The following OTOGL variants were observed in gnomAD, a reference collection of about 807,000 sequenced individuals.
OTOGL encodes otogelin-like protein.
Under a neutral mutation model 318.5 loss-of-function variants are expected in OTOGL, and 285 were observed. That is an observed-to-expected ratio of 0.89 (90% CI 0.81 to 0.99). The LOEUF (loss-of-function observed/expected upper bound fraction) is 0.99, where lower values mean the gene tolerates loss of function less well. Ranked by LOEUF, OTOGL falls within the 50% of genes least tolerant of loss-of-function variation. OTOGL has a pLI of 0.00. For synonymous variants in OTOGL, 987 were observed against 936.5 expected (o/e 1.05, Z -0.99); for missense variants, 2,899 against 2,845.6 (o/e 1.02, Z -0.43).
At chr12:80,342,224 T>TA in intron 44 of OTOGL, 62 bp downstream of exon 44, 1 of 1,259,928 alleles carries the variant, frequency 7.9e-7, no homozygotes, top group Admixed American at 2.2e-5. Flanking sequence ...TAAAAGCCAA[T>TA]ACGTTACTGT....
chr12:80,297,637 A>T (rs545484284), intron 27 of OTOGL, among the ~76,000 whole-genome samples: 1 of 152,116 alleles, frequency 6.6e-6, no homozygotes, highest in East Asian at 1.9e-4. Flanking sequence ...CCAGCCTTGT[A>T]TATGTACATT....
intron 1 of OTOGL, among the ~76,000 whole-genome samples, chr12:80,156,594 C>T (rs2137181782): frequency 6.6e-6 from 1 of 152,234 alleles, no homozygotes; most frequent in Non-Finnish European, 1.5e-5. Flanking sequence ...AAGTCTTTCC[C>T]ATGCTGTTCT....
At chr12:80,207,416 G>T (rs550785399) in intron 1 of OTOGL, among the ~76,000 whole-genome samples, 1 of 151,984 alleles carries the variant, frequency 6.6e-6, no homozygotes, top group African/African-American at 2.4e-5. Flanking sequence ...TGTTGGTCAG[G>T]CTGGTCTCAA....
intron 1 of OTOGL, among the ~76,000 whole-genome samples, chr12:80,125,970 T>C (rs1870807323): frequency 6.6e-6 from 1 of 152,222 alleles, no homozygotes; most frequent in Non-Finnish European, 1.5e-5. Context: ...ATCAATTTTG[T>C]TGATCTTTTC....
intron 26 of OTOGL, among the ~76,000 whole-genome samples, chr12:80,281,923 A>C (rs2137636866): frequency 6.6e-6 from 1 of 151,994 alleles, no homozygotes; most frequent in East Asian, 1.9e-4. Flanking sequence ...TATAAATATA[A>C]CACATTAAAC....
At chr12:80,269,157 A>G (rs1301365435) in intron 22 of OTOGL, among the ~76,000 whole-genome samples, 7 of 152,082 alleles carry the variant, frequency 4.6e-5, no homozygotes, top group African/African-American at 2.4e-5. Context: ...TCAACTATGC[A>G]TTGCATATTT....
chr12:80,209,476 A>G lies in OTOGL; in HGVS notation c.45A>G (p.Ile15Met). 6.6e-7 allele frequency: 1 copy of G among 1,515,190 alleles called. No homozygotes were observed. The highest frequency in any genetic ancestry group is 8.8e-7 in the Non-Finnish European group (1 of 1,131,206). The allele number at this position is 1,515,190 out of a possible 1,614,324, so 93.9% of individuals were successfully genotyped here. A position where few individuals can be genotyped will look rare whatever the true frequency, so the allele number is the denominator to read the frequency against. Residue 15 changes from isoleucine (I) to methionine (M), a missense_variant, in exon 2 of 59, where the codon ATA (isoleucine) becomes ATG (methionine). By Grantham distance (10) the Ile-to-Met change is conservative (BLOSUM62 1). Coordinates refer to ENST00000547103, the MANE Select transcript of OTOGL (RefSeq NM_001378609.3). Reference sequence around the variant, plus strand: ...TCAATTTAATGATACCTTGGAGTATATTCTTGCTTCATGTACTGCTGTTTT... The same window carrying G: ...TCAATTTAATGATACCTTGGAGTATGTTCTTGCTTCATGTACTGCTGTTTT... ...RKLNLMIPWSIFLLHVLLFSL... is the reference protein window; with the variant it reads ...RKLNLMIPWSMFLLHVLLFSL...
chr12:80,351,295 T>TG (rs1236668110), intron 44 of OTOGL, among the ~76,000 whole-genome samples: 4 of 148,038 alleles, frequency 2.7e-5, no homozygotes, highest in Admixed American at 6.8e-5. Context: ...ATTGTGTTTT[T>TG]TTTTTTTTTT....
chr12:80,249,195 C>T (rs1188662267), intron 11 of OTOGL, among the ~76,000 whole-genome samples: 2 of 148,160 alleles, frequency 1.3e-5, no homozygotes, highest in Non-Finnish European at 1.5e-5. Flanking sequence ...CAGCTTTGTT[C>T]CGTTGCTGGT....
At position 80,314,617 on chromosome 12, in the gene OTOGL, A is replaced by G. The variant is rs1886856158; in HGVS notation, c.3634+286A>G. On this transcript the variant is annotated intron_variant, in intron 32 of 58. Coordinates refer to ENST00000547103, the MANE Select transcript of OTOGL (RefSeq NM_001378609.3). ...ATGAATGGGTGGGTGAAGTTAGTTA[A>G]TTTTTTAGATAAAAAGGATGAAAGA... Among the ~76,000 whole-genome samples, 3 of 152,144 alleles carry G rather than the reference A, an allele frequency of 2.0e-5. No individual in the cohort carries two copies. The South Asian group carries it at 6.2e-4, about 32-fold the overall frequency.
intron 23 of OTOGL, among the ~76,000 whole-genome samples, chr12:80,270,879 T>C (rs1420185109): frequency 6.6e-6 from 1 of 152,286 alleles, no homozygotes; most frequent in East Asian, 1.9e-4. Flanking sequence ...CTTGCTTTCA[T>C]AGATTTTAAT....
intron 1 of OTOGL, among the ~76,000 whole-genome samples, chr12:80,160,931 G>A (rs1873468888): frequency 6.6e-6 from 1 of 152,100 alleles, no homozygotes. Context: ...GGCATTCCCA[G>A]CAACGTGAAT....
chr12:80,158,542 T>A (rs970856942), intron 1 of OTOGL, among the ~76,000 whole-genome samples: 4 of 151,970 alleles, frequency 2.6e-5, no homozygotes, highest in African/African-American at 9.7e-5. Flanking sequence ...AAAGTCATAT[T>A]TATATGTACA....
At chr12:80,129,902 A>C (rs1366580678) in intron 1 of OTOGL, among the ~76,000 whole-genome samples, 1 of 152,150 alleles carries the variant, frequency 6.6e-6, no homozygotes, top group Non-Finnish European at 1.5e-5. Flanking sequence ...TATAAAACTG[A>C]TTCTTACAAC....
At chr12:80,349,061 G>T (rs1889378462) in intron 44 of OTOGL, among the ~76,000 whole-genome samples, 1 of 151,056 alleles carries the variant, frequency 6.6e-6, no homozygotes, top group South Asian at 2.1e-4. Flanking sequence ...GGATACAGAA[G>T]AATCAGCTTT....
chr12:80,123,617 A>G (rs987528830), intron 1 of OTOGL, among the ~76,000 whole-genome samples: 2 of 152,140 alleles, frequency 1.3e-5, no homozygotes, highest in Non-Finnish European at 2.9e-5. Flanking sequence ...CGCCCCACTG[A>G]CTTCCACAAT....
At chr12:80,103,374 T>C in intron 1 of OTOGL, 1 of 991,708 alleles carries the variant, frequency 1.0e-6, no homozygotes, top group Admixed American at 1.8e-5. Flanking sequence ...TCTTTTCTTT[T>C]CTTGCAGGCT....
intron 29 of OTOGL, 143 bp downstream of exon 29, chr12:80,305,838 C>T (rs1375933447): frequency 1.4e-6 from 1 of 737,540 alleles, no homozygotes; most frequent in Non-Finnish European, 1.9e-6. Flanking sequence ...TCATATTTAT[C>T]TTCTCATGTA....
chr12:80,158,469 A>C (rs889096479), intron 1 of OTOGL, among the ~76,000 whole-genome samples: 4 of 152,068 alleles, frequency 2.6e-5, no homozygotes, highest in Non-Finnish European at 5.9e-5. Context: ...GTTATCTCTG[A>C]AATGGCCTTG....
Sources: gnomAD v4.1 joint callset for allele counts (sites outside exome capture counted in the v4.1 genomes callset) on GRCh38, gnomAD v4.1.1 for gene constraint, MANE v1.5 for transcripts, NCBI Gene and HGNC (gene_info 2026-07-23, HGNC 2026-07-21) for gene names.